Variants in HOXC6 observed in about 807,000 individuals in gnomAD.
HOXC6 encodes the protein homeobox C6, also known as homeobox protein Hox-C6.
A neutral mutation model predicts 24.0 loss-of-function variants in HOXC6; 10 were observed. The observed-to-expected ratio is 0.42, with a 90% CI of 0.26 to 0.71. HOXC6 has a LOEUF of 0.71. Among genes scored for constraint, HOXC6 ranks in the 30% least tolerant of loss-of-function variants. The pLI is 0.28. For synonymous variants in HOXC6, 123 were observed against 128.1 expected (o/e 0.96, Z 0.27); for missense variants, 258 against 303.4 (o/e 0.85, Z 1.11).
At chr12:54,025,530 G>C (rs974928372), upstream of HOXC6, among the ~76,000 whole-genome samples, 57 of 42,094 alleles carry the variant, frequency 1.4e-3, no homozygotes, top group Non-Finnish European at 2.2e-3. Flanking sequence ...AGGTAATTGG[G>C]GGGGGGGGAG....
At chr12:54,025,372 G>A (rs934185110), upstream of HOXC6, among the ~76,000 whole-genome samples, 2 of 152,044 alleles carry the variant, frequency 1.3e-5, no homozygotes, top group African/African-American at 4.8e-5. Flanking sequence ...AACATGAAAT[G>A]GGAAAAAGAA....
rs1020108081 is a variant in HOXC6 at position 54,028,711 on chromosome 12, A to G, written c.190A>G (p.Ser64Gly). ...FYSPQENVVF[S>G]SSRGPYDYGS... Reference sequence around the variant, plus strand: ...TTCGCCACAGGAGAATGTCGTGTTCAGTTCCAGCCGGGGGCCGTATGACTA... The same window carrying G: ...TTCGCCACAGGAGAATGTCGTGTTCGGTTCCAGCCGGGGGCCGTATGACTA... Residue 64 changes from serine to glycine, a missense_variant, in exon 1 of 2, where the codon AGT becomes GGT. Ser to Gly is a moderately conservative substitution (Grantham distance 56). Coordinates refer to ENST00000243108, the MANE Select transcript of HOXC6 (RefSeq NM_004503.4). The G allele has an allele frequency of 1.2e-6, 2 of 1,613,990 alleles. No homozygotes were observed. Among genetic ancestry groups the G allele is most frequent in the African/African-American group, 2.7e-5 (2 of 74,902 alleles).
upstream of HOXC6, among the ~76,000 whole-genome samples, chr12:54,025,658 C>A (rs922925445): frequency 1.3e-5 from 2 of 151,996 alleles, no homozygotes; most frequent in African/African-American, 4.8e-5. Flanking sequence ...CAGCTGGTTT[C>A]TGTTCATTAT....
intron 1 of HOXC6, chr12:54,021,297 G>C (rs954371511): frequency 5.3e-5 from 8 of 152,240 alleles, no homozygotes; most frequent in African/African-American, 1.9e-4. Context: ...GTTACTGGAT[G>C]AACTGCGTTT....
At position 54,030,807 on chromosome 12, in the gene HOXC6, T is replaced by C. The variant is rs1181074957; in HGVS notation, c.*845T>C. Reference sequence around the variant, plus strand: ...TCTCGAATATTTAATAAAACTGATATTATTTTTAAAACTTTATACCGGGAA... The same window carrying C: ...TCTCGAATATTTAATAAAACTGATACTATTTTTAAAACTTTATACCGGGAA... On this transcript the variant is annotated 3_prime_UTR_variant, in exon 2 of 2. Coordinates refer to ENST00000243108, the MANE Select transcript of HOXC6 (RefSeq NM_004503.4). The C allele has an allele frequency of 6.6e-6, 1 of 152,294 alleles. No individual in the cohort carries two copies. The highest frequency in any genetic ancestry group is 1.5e-5 in the Non-Finnish European group (1 of 68,044). The allele number at this position is 152,294 out of a possible 1,614,324, so 9.4% of individuals were successfully genotyped here.
upstream of HOXC6, among the ~76,000 whole-genome samples, chr12:54,026,993 C>T (rs1242759960): frequency 6.6e-6 from 1 of 151,430 alleles, no homozygotes; most frequent in Non-Finnish European, 1.5e-5. Context: ...GCTTTCTCTG[C>T]TCCCCGCACA....
chr12:54,022,564 C>T (rs540639610), intron 1 of HOXC6: 1 of 152,182 alleles, frequency 6.6e-6, no homozygotes, highest in Admixed American at 6.5e-5. Context: ...TTCAGATCTG[C>T]AAACAATAAA....
intron 1 of HOXC6, chr12:54,020,344 C>T (rs1168118441): frequency 1.3e-5 from 2 of 152,234 alleles, no homozygotes; most frequent in African/African-American, 4.8e-5. Flanking sequence ...TTGCCTGCCC[C>T]CCTTATAAGG....
upstream of HOXC6, among the ~76,000 whole-genome samples, chr12:54,025,988 A>T (rs1051551359): frequency 6.6e-6 from 1 of 152,096 alleles, no homozygotes; most frequent in Non-Finnish European, 1.5e-5. Context: ...GAAAATCAAC[A>T]CTCATTGAAA....
upstream of HOXC6, among the ~76,000 whole-genome samples, chr12:54,028,043 G>A (rs190411608): frequency 2.6e-5 from 4 of 152,254 alleles, no homozygotes; most frequent in African/African-American, 7.2e-5. Context: ...GGAGAAATCA[G>A]GATGTAATTT....
rs114767687 is a variant in HOXC6 at position 54,018,829 on chromosome 12, G to T, written c.-193+1415G>T. On this transcript the variant is annotated intron_variant, in intron 1 of 2. Transcript: ENST00000394331. ...CCAGACTTACCTTAATCTAAGCCAAGACACCCCCTCTACCCCCACCCTCTC... is the reference window on the plus strand; with the variant it reads ...CCAGACTTACCTTAATCTAAGCCAATACACCCCCTCTACCCCCACCCTCTC... 8.6e-3 allele frequency among the ~76,000 whole-genome samples: 1,313 copies of T among 152,206 alleles called. 21 individuals carry two copies. The highest frequency in any genetic ancestry group is 0.03 in the African/African-American group (1,254 of 41,512).
upstream of HOXC6, among the ~76,000 whole-genome samples, chr12:54,023,791 GC>G (rs1160733180): frequency 5.3e-5 from 8 of 152,252 alleles, no homozygotes; most frequent in Admixed American, 4.6e-4. Flanking sequence ...GGTGTGTGTA[GC>G]GGGGGCAGGT....
chr12:54,025,784 C>A (rs1029879267), upstream of HOXC6, among the ~76,000 whole-genome samples: 7 of 152,080 alleles, frequency 4.6e-5, no homozygotes, highest in Admixed American at 2.0e-4. Context: ...CCTGAGCCCA[C>A]CGACTTTAGG....
chr12:54,028,725 G>A lies in HOXC6; in HGVS notation c.204G>A (p.Gly68=). The part of the protein sequence containing the change: ...QENVVFSSSR[G]PYDYGSNSFY... Reference sequence around the variant, plus strand: ...ATGTCGTGTTCAGTTCCAGCCGGGGGCCGTATGACTATGGATCTAATTCCT... The same window carrying A: ...ATGTCGTGTTCAGTTCCAGCCGGGGACCGTATGACTATGGATCTAATTCCT... The change falls in exon 1 of 2, where the codon GGG becomes GGA. Residue 68 remains glycine, a synonymous_variant. Coordinates refer to ENST00000243108, the MANE Select transcript of HOXC6 (RefSeq NM_004503.4). 1.9e-6 allele frequency: 3 copies of A among 1,614,144 alleles called. No homozygotes were observed. Among genetic ancestry groups the A allele is most frequent in the Non-Finnish European group, 2.5e-6 (3 of 1,180,028 alleles).
chr12:54,024,420 CGAGGGTTGGT>C (rs1555184717), upstream of HOXC6, among the ~76,000 whole-genome samples: 1 of 152,086 alleles, frequency 6.6e-6, no homozygotes, highest in Non-Finnish European at 1.5e-5. Flanking sequence ...TATCTGTGTG[CGAGGGTTGGT>C]GAGTTACAAA....
chr12:54,028,415 T>C, upstream of HOXC6: 1 of 1,254,542 alleles, frequency 8.0e-7, no homozygotes, highest in Middle Eastern at 2.2e-4. Flanking sequence ...TGTCATTTTG[T>C]CTGTCCTGGA....
chr12:54,029,629 A>G, intron 1 of HOXC6, 26 bp from the exon 2 acceptor site: 1 of 1,602,984 alleles, frequency 6.2e-7, no homozygotes, highest in Non-Finnish European at 8.5e-7. Flanking sequence ...GATTGCTTTT[A>G]GTGTGTTTTG....
chr12:54,028,788 A>G lies in HOXC6; in HGVS notation c.267A>G (p.Gln89=), dbSNP rs755990418. Residue 89 remains glutamine (Q), a synonymous_variant, in exon 1 of 2, where the codon CAA becomes CAG. Coordinates refer to ENST00000243108, the MANE Select transcript of HOXC6 (RefSeq NM_004503.4). Reference sequence around the variant, plus strand: ...AAGACATGCTCTCAAACTGCAGACAAAACACCTTAGGACATAACACACAGA... The same window carrying G: ...AAGACATGCTCTCAAACTGCAGACAGAACACCTTAGGACATAACACACAGA... ...QEKDMLSNCR[Q]NTLGHNTQTS... 12 of 1,614,040 alleles carry G rather than the reference A, an allele frequency of 7.4e-6. No individual in the cohort carries two copies. The Admixed American group carries it at 1.3e-4, about 18-fold the overall frequency.
chr12:54,027,147 T>TCGGATTCAGCTGCCTTTTC (rs1940755157), upstream of HOXC6, among the ~76,000 whole-genome samples: 1 of 152,252 alleles, frequency 6.6e-6, no homozygotes, highest in African/African-American at 2.4e-5. Context: ...CTCACAAGCC[T>TCGGATTCAGCTGCCTTTTC]CGGATTCAGC....
Sources: allele counts gnomAD v4.1 joint callset (sites outside exome capture counted in the v4.1 genomes callset), GRCh38; gene constraint gnomAD v4.1.1; transcripts MANE v1.5; gene names NCBI Gene and HGNC (gene_info 2026-07-23, HGNC 2026-07-21).